PTPRS: variants seen among roughly 807,000 people sequenced by gnomAD.
PTPRS encodes the protein receptor-type tyrosine-protein phosphatase S.
A neutral mutation model predicts 215.3 loss-of-function variants in PTPRS; 63 were observed. The observed-to-expected ratio is 0.29, with a 90% confidence interval of 0.24 to 0.36. PTPRS has a LOEUF of 0.36. Ranked by LOEUF, PTPRS falls within the 10% of genes least tolerant of loss-of-function variation. The pLI is 1.00. For synonymous variants in PTPRS, 1,404 were observed against 1,191.4 expected (o/e 1.18, Z -3.68); for missense variants, 2,258 against 2,825.8 (o/e 0.80, Z 4.56).
intron 1 of PTPRS, among the ~76,000 whole-genome samples, chr19:5,289,791 A>G (rs1421747407): frequency 1.3e-5 from 2 of 152,200 alleles, no homozygotes; most frequent in African/African-American, 2.4e-5. Flanking sequence ...AGGGGGCAGC[A>G]CTGAGAGGTC....
At chr19:5,322,330 C>A (rs546138604) in intron 1 of PTPRS, among the ~76,000 whole-genome samples, 1 of 152,314 alleles carries the variant, frequency 6.6e-6, no homozygotes, top group Non-Finnish European at 1.5e-5. Context: ...TTTAAAAACC[C>A]CACAGCACTC....
chr19:5,279,266 G>A (rs972085359), intron 2 of PTPRS, among the ~76,000 whole-genome samples: 2 of 152,096 alleles, frequency 1.3e-5, no homozygotes, highest in African/African-American at 4.8e-5. Flanking sequence ...CTAAGTGGCT[G>A]GACACAGGGA....
chr19:5,305,252 A>G (rs2049442231), intron 1 of PTPRS, among the ~76,000 whole-genome samples: 1 of 152,144 alleles, frequency 6.6e-6, no homozygotes, highest in Non-Finnish European at 1.5e-5. Context: ...TCTCCTCAGA[A>G]CAGCTATTAT....
intron 9 of PTPRS, among the ~76,000 whole-genome samples, chr19:5,248,192 A>T (rs1350194871): frequency 6.6e-6 from 1 of 152,126 alleles, no homozygotes; most frequent in Non-Finnish European, 1.5e-5. Flanking sequence ...ATGGAAACAG[A>T]ACACAATGGG....
intron 7 of PTPRS, among the ~76,000 whole-genome samples, 164 bp downstream of exon 7, chr19:5,260,639 GAC>G (rs1056726323): frequency 1.1e-4 from 16 of 152,162 alleles, no homozygotes; most frequent in African/African-American, 3.9e-4. Context: ...CCTGGCCACA[GAC>G]ACAGACACAG....
rs959123330 is a variant in PTPRS at position 5,338,275 on chromosome 19, C to T, written c.-95+2389G>A. 1.3e-5 allele frequency among the ~76,000 whole-genome samples: 2 copies of T among 152,180 alleles called. No individual in the cohort carries two copies. The highest frequency in any genetic ancestry group is 2.9e-5 in the Non-Finnish European group (2 of 68,028). On this transcript the variant is annotated intron_variant, in intron 1 of 37. Coordinates refer to ENST00000262963, the MANE Select transcript of PTPRS (RefSeq NM_002850.4). This position sits in a 1 kb window ranked among gnomAD's most constrained non-coding sequence, Gnocchi z 4.2. ...ACCAGGCAGCCTGGGTCTCCTGCGA[C>T]GTTTTGTTTGCCTGAGCCCAATTAG...
chr19:5,220,892 G>A (rs1288326099), intron 20 of PTPRS, 108 bp downstream of exon 20: 16 of 1,352,478 alleles, frequency 1.2e-5, no homozygotes, highest in Middle Eastern at 2.0e-4. Context: ...TAGGGTCTGT[G>A]TTTCATAGGC....
At chr19:5,228,347 GAAAAAA>G (rs71170899) in intron 16 of PTPRS, among the ~76,000 whole-genome samples, 1 of 105,888 alleles carries the variant, frequency 9.4e-6, no homozygotes, top group East Asian at 3.2e-4. Flanking sequence ...TCCGTCTGGA[GAAAAAA>G]AAAAAAAAAA....
intron 11 of PTPRS, among the ~76,000 whole-genome samples, chr19:5,243,067 C>T (rs1451969629): frequency 1.3e-5 from 2 of 151,734 alleles, no homozygotes; most frequent in Non-Finnish European, 2.9e-5. Flanking sequence ...CATCCTCCTG[C>T]GTCTGCCTCT....
chr19:5,312,095 C>T (rs1020075193), intron 1 of PTPRS, among the ~76,000 whole-genome samples: 3 of 151,042 alleles, frequency 2.0e-5, no homozygotes, highest in African/African-American at 7.3e-5. Flanking sequence ...CCTGGTTGTG[C>T]GTGAGGCCTG....
At chr19:5,307,178 G>A (rs543682783) in intron 1 of PTPRS, among the ~76,000 whole-genome samples, 62 of 152,164 alleles carry the variant, frequency 4.1e-4, no homozygotes, top group African/African-American at 1.5e-3. Flanking sequence ...TGTGGTGGCC[G>A]GCACCTGTAA....
At chr19:5,219,222 A>G in intron 23 of PTPRS, 88 bp downstream of exon 23, 2 of 1,526,784 alleles carry the variant, frequency 1.3e-6, no homozygotes, top group East Asian at 4.5e-5. Context: ...AGAGACCTTT[A>G]GTGATGATTC....
chr19:5,291,756 C>T (rs936668892), intron 1 of PTPRS, among the ~76,000 whole-genome samples: 2 of 151,966 alleles, frequency 1.3e-5, no homozygotes, highest in African/African-American at 4.8e-5. Flanking sequence ...CCAAGCTGAG[C>T]CCCGTTCCTC....
intron 2 of PTPRS, among the ~76,000 whole-genome samples, chr19:5,276,578 T>C (rs996929031): frequency 6.8e-6 from 1 of 146,072 alleles, no homozygotes; most frequent in South Asian, 2.2e-4. Context: ...TCTCACTCTG[T>C]TGCCCAGGCT....
At chr19:5,288,620 C>T (rs1442659957) in intron 1 of PTPRS, among the ~76,000 whole-genome samples, 3 of 152,306 alleles carry the variant, frequency 2.0e-5, no homozygotes, top group South Asian at 4.1e-4. Context: ...ACTGAGGGGG[C>T]GAGGTCAGTC....
chr19:5,313,091 A>AT lies in PTPRS; in HGVS notation c.-94-26858dup, dbSNP rs552695888. On this transcript the variant is annotated intron_variant, in intron 1 of 37. Coordinates refer to ENST00000262963, the MANE Select transcript of PTPRS (RefSeq NM_002850.4). Reference sequence around the variant, plus strand: ...CACCAACTCCAGCTAATTTTTTTGTATTTTTAGCAGAGACAGGGTTTCACC... The same window carrying AT: ...CACCAACTCCAGCTAATTTTTTTGTATTTTTTAGCAGAGACAGGGTTTCACC... Among the ~76,000 whole-genome samples, 226 of 152,142 alleles carry AT rather than the reference A, an allele frequency of 1.5e-3. 1 individual carries two copies. Among genetic ancestry groups the AT allele is most frequent in the African/African-American group, 5.0e-3 (208 of 41,532 alleles).
chr19:5,243,094 C>T (rs58899502), intron 11 of PTPRS, among the ~76,000 whole-genome samples: 25 of 151,746 alleles, frequency 1.6e-4, no homozygotes, highest in African/African-American at 6.1e-4. Context: ...GCTGGGACTA[C>T]AGGCACATGC....
intron 4 of PTPRS, among the ~76,000 whole-genome samples, chr19:5,268,953 C>A (rs1276291450): frequency 6.6e-6 from 1 of 152,206 alleles, no homozygotes; most frequent in East Asian, 1.9e-4. Flanking sequence ...CTTGTCCATC[C>A]TTCCTGGGCC....
At chr19:5,304,511 T>C (rs956722692) in intron 1 of PTPRS, among the ~76,000 whole-genome samples, 1 of 151,912 alleles carries the variant, frequency 6.6e-6, no homozygotes, top group African/African-American at 2.4e-5. Context: ...TAGCCAGGCA[T>C]GGTGGTGCAC....
Sources: gnomAD v4.1 joint callset for allele counts (sites outside exome capture counted in the v4.1 genomes callset) on GRCh38, gnomAD v4.1.1 for gene constraint, Gnocchi (gnomAD v3.1) non-coding constraint, MANE v1.5 for transcripts, NCBI Gene and HGNC (gene_info 2026-07-23, HGNC 2026-07-21) for gene names.